The following ZNF331 variants were observed in gnomAD, a reference collection of about 807,000 sequenced individuals.
The protein encoded by ZNF331 is C2H2-like zinc finger protein rearranged in thyroid adenomas.
A neutral mutation model predicts 7.0 loss-of-function variants in ZNF331; 2 were observed. The observed-to-expected ratio is 0.29, with a 90% CI of 0.12 to 0.90. The LOEUF is 0.90. Among genes scored for constraint, ZNF331 ranks in the 40% least tolerant of loss-of-function variants. The probability of loss-of-function intolerance (pLI) is 0.58; values close to 1 mark genes in which losing one functional copy is unlikely to be tolerated. For synonymous variants in ZNF331, 196 were observed against 205.4 expected, an observed-to-expected ratio of 0.95 and a Z score of 0.39; for missense variants, 432 against 587.7, an observed-to-expected ratio of 0.74 and a Z score of 2.74.
chr19:53,562,711 C>T (rs750426090), intron 3 of ZNF331, among the ~76,000 whole-genome samples: 17 of 151,260 alleles, frequency 1.1e-4, no homozygotes, highest in African/African-American at 1.9e-4. Context: ...AAAAAAACTC[C>T]GGGCACTGTG....
At chr19:53,506,436 C>CTG in the ZNF331 span, among the ~76,000 whole-genome samples, 2 of 75,312 alleles carry the variant, frequency 2.7e-5, no homozygotes, top group African/African-American at 1.1e-4. Flanking sequence ...CTCTCTCTCT[C>CTG]TCTCTCTGTC....
intron 2 of ZNF331, among the ~76,000 whole-genome samples, chr19:53,548,453 C>T (rs1230671305): frequency 1.3e-5 from 2 of 152,060 alleles, no homozygotes; most frequent in African/African-American, 4.8e-5. Flanking sequence ...TATGGGGTCT[C>T]ACCATGTTGC....
intron 3 of ZNF331, among the ~76,000 whole-genome samples, chr19:53,561,742 A>G (rs1441190871): frequency 6.6e-6 from 1 of 152,192 alleles, no homozygotes; most frequent in East Asian, 1.9e-4. Context: ...GGTCCTAGCT[A>G]CTTAGGAAGC....
chr19:53,578,017 C>T lies in ZNF331; in HGVS notation c.*65C>T. ...TTCGCTTTCCACAGTTTGTTACCTG[C>T]AGTCAACTGCAGTTCAAAAATATTA... is the stretch of plus-strand genomic sequence containing the variant. On this transcript the variant is annotated 3_prime_UTR_variant, in exon 6 of 6. Transcript: ENST00000449416. 6.8e-7 allele frequency: 1 copy of T among 1,477,386 alleles called. No homozygotes were observed. Among genetic ancestry groups the T allele is most frequent in the South Asian group, 1.4e-5 (1 of 73,142 alleles). 91.5% of individuals were successfully genotyped at this position (1,477,386 alleles called of 1,614,324 possible). A position where few individuals can be genotyped will look rare whatever the true frequency, so the allele number is the denominator to read the frequency against.
Position 53,578,624 on chromosome 19 carries a change from T to A in ZNF331, c.*672T>A. Reference sequence around the variant, plus strand: ...CGTATATATGTACAGGAAAAAAACGTACTATCTGTGGTTTCAGGTGTCCAC... The same window carrying A: ...CGTATATATGTACAGGAAAAAAACGAACTATCTGTGGTTTCAGGTGTCCAC... On this transcript the variant is annotated 3_prime_UTR_variant, in exon 6 of 6. Coordinates refer to ENST00000449416, the MANE Select transcript of ZNF331 (RefSeq NM_001079906.2). 4.9e-6 allele frequency: 1 copy of A among 204,330 alleles called. No homozygotes were observed. The highest frequency in any genetic ancestry group is 7.6e-5 in the East Asian group (1 of 13,224). 12.7% of individuals were successfully genotyped at this position (204,330 alleles called of 1,614,324 possible).
chr19:53,554,397 C>G (rs968316299), intron 2 of ZNF331: 6 of 152,188 alleles, frequency 3.9e-5, no homozygotes, highest in African/African-American at 1.4e-4. Flanking sequence ...GGTGTACATG[C>G]GTGTCAGGAT....
chr19:53,545,358 C>G (rs577147595), intron 2 of ZNF331, among the ~76,000 whole-genome samples: 2 of 152,348 alleles, frequency 1.3e-5, no homozygotes, highest in African/African-American at 4.8e-5. Context: ...CGGGGCATAA[C>G]TGCTGCCTGC....
intron 3 of ZNF331, among the ~76,000 whole-genome samples, chr19:53,565,651 C>T (rs972358711): frequency 3.3e-5 from 5 of 151,978 alleles, no homozygotes; most frequent in Admixed American, 6.6e-5. Flanking sequence ...CTCAGCTTCC[C>T]GAGTAGCTGG....
upstream of ZNF331, among the ~76,000 whole-genome samples, chr19:53,515,566 C>G (rs947400224): frequency 6.6e-5 from 10 of 152,186 alleles, no homozygotes; most frequent in Admixed American, 1.3e-4. Flanking sequence ...GGCGCGATCT[C>G]GGCTCATTGC....
intron 3 of ZNF331, among the ~76,000 whole-genome samples, chr19:53,562,707 A>C (rs2089953355): frequency 6.7e-6 from 1 of 149,800 alleles, no homozygotes; most frequent in Non-Finnish European, 1.5e-5. Context: ...AAAAAAAAAA[A>C]CTCCGGGCAC....
chr19:53,579,922 G>A lies in ZNF331; in HGVS notation c.*1970G>A, dbSNP rs1457428127. The A allele has an allele frequency of 1.5e-5, 3 of 204,776 alleles. No individual in the cohort carries two copies. Among genetic ancestry groups the A allele is most frequent in the Non-Finnish European group, 3.0e-5 (3 of 100,154 alleles). The allele number at this position is 204,776 out of a possible 1,614,324, so 12.7% of individuals were successfully genotyped here. Reference sequence around the variant, plus strand: ...AAGTTGAAAAAAAAATCAATTTAAAGGGGAGAAAACTTCAGCACGTCTCAA... The same window carrying A: ...AAGTTGAAAAAAAAATCAATTTAAAAGGGAGAAAACTTCAGCACGTCTCAA... On this transcript the variant is annotated 3_prime_UTR_variant, in exon 6 of 6. Coordinates refer to ENST00000449416, the MANE Select transcript of ZNF331 (RefSeq NM_001079906.2).
At chr19:53,566,249 T>G (rs747668778) in intron 3 of ZNF331, among the ~76,000 whole-genome samples, 6 of 152,156 alleles carry the variant, frequency 3.9e-5, no homozygotes, top group Non-Finnish European at 7.3e-5. Context: ...TTCCATGTTA[T>G]CGACCAGGGA....
chr19:53,535,847 C>A (rs563305619), upstream of ZNF331, among the ~76,000 whole-genome samples: 101 of 151,478 alleles, frequency 6.7e-4, no homozygotes, highest in Middle Eastern at 3.4e-3. Context: ...ACTCTGTCAC[C>A]CAGGCTGGAG....
At chr19:53,531,522 T>A (rs12462911) in intron 2 of ZNF331, among the ~76,000 whole-genome samples, 10,024 of 152,232 alleles carry the variant, frequency 0.066, 351 homozygotes, top group East Asian at 0.14. Context: ...AGGAAAAGAT[T>A]CGTTTTTAAG....
intron 3 of ZNF331, among the ~76,000 whole-genome samples, chr19:53,556,208 A>T (rs2089409967): frequency 7.1e-6 from 1 of 140,144 alleles, no homozygotes; most frequent in South Asian, 2.2e-4. Flanking sequence ...GCACCGCTTC[A>T]CTCCAGCCTG....
At chr19:53,562,802 A>G (rs538448963) in intron 3 of ZNF331, among the ~76,000 whole-genome samples, 114 of 152,100 alleles carry the variant, frequency 7.5e-4, no homozygotes, top group African/African-American at 2.5e-3. Flanking sequence ...ATACTGGCCA[A>G]CATGGTGAAA....
intron 2 of ZNF331, among the ~76,000 whole-genome samples, chr19:53,552,431 ACAG>A (rs997205468): frequency 2.0e-5 from 3 of 152,186 alleles, no homozygotes; most frequent in African/African-American, 7.2e-5. Context: ...TAAGAAAAAA[ACAG>A]CAGGCCGGGT....
chr19:53,512,942 T>C, the ZNF331 span, among the ~76,000 whole-genome samples: 1 of 150,766 alleles, frequency 6.6e-6, no homozygotes, highest in South Asian at 2.1e-4. Flanking sequence ...CCAAAAACGC[T>C]GGGAACCGCT....
At chr19:53,529,980 C>A (rs2087468543) in intron 2 of ZNF331, among the ~76,000 whole-genome samples, 1 of 152,076 alleles carries the variant, frequency 6.6e-6, no homozygotes, top group African/African-American at 2.4e-5. Flanking sequence ...GAGACTGGGT[C>A]ATTTATAAAG....
Sources: gnomAD v4.1 joint callset for allele counts (sites outside exome capture counted in the v4.1 genomes callset) on GRCh38, gnomAD v4.1.1 for gene constraint, MANE v1.5 for transcripts, NCBI Gene and HGNC (gene_info 2026-07-23, HGNC 2026-07-21) for gene names.